FRAS1: variants seen among roughly 807,000 people sequenced by gnomAD.
The protein encoded by FRAS1 is extracellular matrix organizing protein FRAS1.
FRAS1 carries 290 observed loss-of-function variants against 435.2 expected under a neutral mutation model. That is an observed-to-expected ratio of 0.67 (90% CI 0.61 to 0.73). The LOEUF is 0.73. Ranked by LOEUF, FRAS1 falls within the 30% of genes least tolerant of loss-of-function variation. The pLI is 0.00. For missense variants in FRAS1, 4,860 were observed against 5,001.5 expected (o/e 0.97, Z 0.85); for synonymous variants, 1,800 against 1,851.0 (o/e 0.97, Z 0.71).
intron 27 of FRAS1, 107 bp from the exon 28 acceptor site, chr4:78,383,952 T>C (rs937515502): frequency 1.3e-6 from 1 of 763,738 alleles, no homozygotes; most frequent in East Asian, 2.7e-5. Flanking sequence ...AGCAGTTTGA[T>C]CCAAATTCTT....
intron 18 of FRAS1, among the ~76,000 whole-genome samples, chr4:78,331,561 T>C (rs1054842846): frequency 1.5e-4 from 23 of 151,446 alleles, no homozygotes; most frequent in African/African-American, 5.4e-4. Flanking sequence ...AAAGATTCTA[T>C]GTTACATCTT....
intron 14 of FRAS1, among the ~76,000 whole-genome samples, chr4:78,307,113 A>C (rs1352213179): frequency 2.6e-5 from 4 of 152,064 alleles, no homozygotes; most frequent in Admixed American, 1.3e-4. Flanking sequence ...GGTCTGTTGG[A>C]GTACCCGGCA....
chr4:78,066,633 T>G (rs1740051647), intron 2 of FRAS1, among the ~76,000 whole-genome samples: 1 of 152,182 alleles, frequency 6.6e-6, no homozygotes, highest in Admixed American at 6.5e-5. Context: ...AAAGCCTTAT[T>G]GAAAAGACTG....
At chr4:78,255,455 G>T in intron 6 of FRAS1, 80 bp downstream of exon 6, 1 of 1,368,554 alleles carries the variant, frequency 7.3e-7, no homozygotes, top group South Asian at 1.5e-5. Context: ...TGGCAGGCAG[G>T]CCTCAGAAGC....
chr4:78,373,427 C>T (rs1041481122), intron 24 of FRAS1, among the ~76,000 whole-genome samples: 1 of 148,694 alleles, frequency 6.7e-6, no homozygotes, highest in African/African-American at 2.5e-5. Context: ...TTCAGCAAAA[C>T]AGTACTGAGA....
chr4:78,379,026 C>T (rs923018), intron 26 of FRAS1, among the ~76,000 whole-genome samples: 36,774 of 152,022 alleles, frequency 0.24, 4,866 homozygotes, highest in Admixed American at 0.31. Flanking sequence ...ATGCTCTTGC[C>T]GTGCATCCAG....
chr4:78,508,692 A>G, intron 62 of FRAS1, 39 bp from the exon 63 acceptor site: 3 of 1,611,574 alleles, frequency 1.9e-6, no homozygotes, highest in South Asian at 1.1e-5. Flanking sequence ...GACCTTGCCA[A>G]TACCCAACCT....
intron 56 of FRAS1, among the ~76,000 whole-genome samples, chr4:78,481,040 C>A (rs1560751502): frequency 6.6e-6 from 1 of 152,126 alleles, no homozygotes; most frequent in Non-Finnish European, 1.5e-5. Flanking sequence ...CAAAGCCAGA[C>A]CTTTCTACTA....
At chr4:78,424,959 C>T (rs1483573450) in intron 35 of FRAS1, among the ~76,000 whole-genome samples, 1 of 151,832 alleles carries the variant, frequency 6.6e-6, no homozygotes, top group African/African-American at 2.4e-5. Context: ...TGTTTAAGCC[C>T]AATTTCAACA....
At chr4:78,384,001 G>A in intron 27 of FRAS1, 58 bp from the exon 28 acceptor site, 3 of 1,291,282 alleles carry the variant, frequency 2.3e-6, no homozygotes, top group Non-Finnish European at 3.3e-6. Context: ...AGCCTTTTCT[G>A]TGTAAAGTCT....
chr4:78,372,678 G>A, intron 23 of FRAS1, 40 bp from the exon 24 acceptor site: 1 of 1,608,846 alleles, frequency 6.2e-7, no homozygotes, highest in Non-Finnish European at 8.5e-7. Flanking sequence ...TCTGAGGGTG[G>A]ACAGAAAGGA....
chr4:78,473,369 TG>T (rs1719765112), intron 52 of FRAS1, 68 bp from the exon 53 acceptor site: 1 of 1,265,330 alleles, frequency 7.9e-7, no homozygotes, highest in Non-Finnish European at 1.1e-6. Flanking sequence ...CTAGGTTTGT[TG>T]GTGTGGTAAT....
intron 37 of FRAS1, 67 bp from the exon 38 acceptor site, chr4:78,432,290 G>C (rs1734245088): frequency 6.9e-7 from 1 of 1,451,384 alleles, no homozygotes. Context: ...TGAAAACAAA[G>C]GTGCTATATA....
chr4:78,162,986 T>TA (rs572988804), intron 2 of FRAS1, among the ~76,000 whole-genome samples: 8 of 152,338 alleles, frequency 5.3e-5, no homozygotes, highest in Admixed American at 5.2e-4. Context: ...TCTTTCTCTC[T>TA]AACCTTTTCT....
chr4:78,391,666 T>A (rs1336618650), intron 29 of FRAS1, among the ~76,000 whole-genome samples: 1 of 152,226 alleles, frequency 6.6e-6, no homozygotes. Context: ...TGAGCAGTAT[T>A]TTCTGCAACT....
chr4:78,333,219 C>G (rs1730013558), intron 18 of FRAS1, 53 bp from the exon 19 acceptor site: 2 of 1,563,788 alleles, frequency 1.3e-6, no homozygotes, highest in Non-Finnish European at 1.7e-6. Flanking sequence ...GAGTTACTGT[C>G]TGTGTCACGT....
At chr4:78,174,003 G>A (rs182342224) in intron 2 of FRAS1, among the ~76,000 whole-genome samples, 4 of 152,180 alleles carry the variant, frequency 2.6e-5, no homozygotes, top group African/African-American at 7.2e-5. Context: ...TGGGTGCTAC[G>A]TGACTAACTC....
Position 78,284,509 on chromosome 4 carries a change from T to C in FRAS1, c.1360T>C (p.Cys454Arg). ...LLQNGWCVHS[C>R]GLGFYQAGSL... ...GCAGAATGGATGGTGTGTGCACAGC[T>C]GTGGACTGGGTTTTTACCAAGCTGG... is the stretch of plus-strand genomic sequence containing the variant. Residue 454 changes from cysteine (C) to arginine (R), a missense_variant, in exon 13 of 74, where the codon TGT becomes CGT. Coordinates refer to ENST00000512123, the MANE Select transcript of FRAS1 (RefSeq NM_025074.7). 6.2e-7 allele frequency: 1 copy of C among 1,612,498 alleles called. No individual in the cohort carries two copies. Among genetic ancestry groups the C allele is most frequent in the Non-Finnish European group, 8.5e-7 (1 of 1,179,252 alleles).
intron 9 of FRAS1, among the ~76,000 whole-genome samples, chr4:78,275,723 C>T (rs1443330744): frequency 6.6e-6 from 1 of 152,172 alleles, no homozygotes; most frequent in East Asian, 1.9e-4. Flanking sequence ...GGCAACCTGA[C>T]CTTTCTCTCT....
Sources: allele counts gnomAD v4.1 joint callset (sites outside exome capture counted in the v4.1 genomes callset), GRCh38; gene constraint gnomAD v4.1.1; transcripts MANE v1.5; gene names NCBI Gene and HGNC (gene_info 2026-07-23, HGNC 2026-07-21).